PRKCA: variants seen among roughly 807,000 people sequenced by gnomAD.
PRKCA encodes the protein protein kinase C alpha.
In PRKCA, 27 loss-of-function variants were observed where a neutral mutation model predicts 87.0. That is an observed-to-expected ratio of 0.31 (90% CI 0.23 to 0.43). The LOEUF is 0.43. Ranked by LOEUF, PRKCA falls within the 20% of genes least tolerant of loss-of-function variation. The pLI, the probability that PRKCA is intolerant of heterozygous loss-of-function variation, is 1.00. For synonymous variants in PRKCA, 329 were observed against 311.1 expected (o/e 1.06, Z -0.61); for missense variants, 518 against 852.3 (o/e 0.61, Z 4.88).
intron 2 of PRKCA, among the ~76,000 whole-genome samples, chr17:66,399,100 C>CTTTTCTTT (rs1555598364): frequency 1.3e-4 from 15 of 117,260 alleles, no homozygotes; most frequent in African/African-American, 4.4e-4. Flanking sequence ...CTTTTCTTTT[C>CTTTTCTTT]TTTTTTTTTT....
chr17:66,697,052 A>C (rs1972941348), intron 8 of PRKCA, among the ~76,000 whole-genome samples: 1 of 152,212 alleles, frequency 6.6e-6, no homozygotes, highest in Non-Finnish European at 1.5e-5. Context: ...GACCATCGTC[A>C]TCACACCTCG....
intron 2 of PRKCA, among the ~76,000 whole-genome samples, chr17:66,435,474 C>T (rs1278363337): frequency 6.6e-6 from 1 of 152,090 alleles, no homozygotes; most frequent in African/African-American, 2.4e-5. Context: ...TCGCGAGACG[C>T]ACTCACGGAA....
At chr17:66,587,570 T>G (rs1352792852) in intron 3 of PRKCA, among the ~76,000 whole-genome samples, 1 of 151,688 alleles carries the variant, frequency 6.6e-6, no homozygotes, top group Admixed American at 6.6e-5. Flanking sequence ...TTTAAACAGA[T>G]ATATATATAG....
chr17:66,677,559 A>G (rs1972372270), intron 5 of PRKCA, among the ~76,000 whole-genome samples: 2 of 152,320 alleles, frequency 1.3e-5, no homozygotes, highest in African/African-American at 4.8e-5. Context: ...CCTATTCCAC[A>G]CTAATAGGTG....
chr17:66,727,313 T>C lies in PRKCA; in HGVS notation c.919-5375T>C, dbSNP rs113793787. Among the ~76,000 whole-genome samples the C allele has an allele frequency of 1.9e-3, 292 of 152,330 alleles. 3 individuals carry two copies. The highest frequency in any genetic ancestry group is 3.3e-3 in the South Asian group (16 of 4,826). ...GGGGGTTTGGGGCCTGCTACCTTTA[T>C]GGGCTTCTTTAAGGGGTGGGATATT... is the stretch of plus-strand genomic sequence containing the variant. On this transcript the variant is annotated intron_variant, in intron 8 of 16. Coordinates refer to ENST00000413366, the MANE Select transcript of PRKCA (RefSeq NM_002737.3).
chr17:66,658,445 C>T (rs968468628), intron 5 of PRKCA, among the ~76,000 whole-genome samples: 19 of 152,060 alleles, frequency 1.2e-4, no homozygotes, highest in Non-Finnish European at 2.2e-4. Context: ...TGAGATGGCG[C>T]CATTGCACTC....
chr17:66,640,837 A>G (rs1598837432), intron 3 of PRKCA: 1 of 398,982 alleles, frequency 2.5e-6, no homozygotes. Context: ...CACCCCATAA[A>G]TAGAGGAAAC....
intron 16 of PRKCA, among the ~76,000 whole-genome samples, chr17:66,791,737 A>G (rs1283970970): frequency 6.6e-6 from 1 of 152,238 alleles, no homozygotes; most frequent in Non-Finnish European, 1.5e-5. Flanking sequence ...GAGCCATTCC[A>G]GTGGCTGGAG....
intron 3 of PRKCA, among the ~76,000 whole-genome samples, chr17:66,593,188 T>G (rs1317642209): frequency 6.6e-6 from 1 of 152,214 alleles, no homozygotes; most frequent in African/African-American, 2.4e-5. Flanking sequence ...AATAAAGACA[T>G]ATGAAATTAG....
intron 5 of PRKCA, among the ~76,000 whole-genome samples, chr17:66,651,831 C>T (rs1161626699): frequency 6.6e-6 from 1 of 152,134 alleles, no homozygotes. Context: ...CAGCAGATCC[C>T]TCCAACTGCA....
At chr17:66,362,896 G>A (rs1049836816) in intron 2 of PRKCA, among the ~76,000 whole-genome samples, 1 of 152,146 alleles carries the variant, frequency 6.6e-6, no homozygotes, top group Admixed American at 6.6e-5. Context: ...ATTTTGCCAT[G>A]TTGTCCAGGC....
In PRKCA at chr17:66,327,388, T is replaced by C. The variant is rs1906045820; in HGVS notation, c.205+21261T>C. On this transcript the variant is annotated intron_variant, in intron 2 of 16. Transcript: ENST00000413366. ...TCTCAAAAAAAAAAAAAAAAAAAAA[T>C]TGCTGGGTGTGGTGGTGTGTGCCTG... Among the ~76,000 whole-genome samples the C allele has an allele frequency of 2.2e-5, 3 of 136,036 alleles. 1 individual carries two copies. The South Asian group carries it at 6.9e-4, about 31-fold the overall frequency. 89.2% of individuals were successfully genotyped at this position (136,036 alleles called of 152,430 possible).
intron 2 of PRKCA, among the ~76,000 whole-genome samples, chr17:66,434,864 A>T (rs1341279954): frequency 6.6e-6 from 1 of 152,230 alleles, no homozygotes; most frequent in Non-Finnish European, 1.5e-5. Context: ...GTACAATCAT[A>T]ACATCAAGGG....
chr17:66,422,066 G>A (rs936670265), intron 2 of PRKCA, among the ~76,000 whole-genome samples: 8 of 152,106 alleles, frequency 5.3e-5, no homozygotes, highest in African/African-American at 1.7e-4. Flanking sequence ...ATCTTTACGT[G>A]GTTTTCTCTC....
intron 2 of PRKCA, among the ~76,000 whole-genome samples, chr17:66,346,308 A>G (rs987826332): frequency 6.6e-6 from 1 of 151,830 alleles, no homozygotes; most frequent in Non-Finnish European, 1.5e-5. Flanking sequence ...CGTGTTAGCT[A>G]GGATGGTCTC....
intron 13 of PRKCA, among the ~76,000 whole-genome samples, chr17:66,760,781 T>C (rs372442037): frequency 1.3e-5 from 2 of 152,332 alleles, no homozygotes; most frequent in South Asian, 2.1e-4. Flanking sequence ...TGAACATAGA[T>C]GCAAAAATCC....
At chr17:66,533,169 G>C (rs1269675342) in intron 3 of PRKCA, among the ~76,000 whole-genome samples, 1 of 152,168 alleles carries the variant, frequency 6.6e-6, no homozygotes, top group Admixed American at 6.5e-5. Context: ...ATACTTAAAG[G>C]GATGCCCTAA....
At chr17:66,431,262 G>A (rs192105870) in intron 2 of PRKCA, among the ~76,000 whole-genome samples, 3 of 152,232 alleles carry the variant, frequency 2.0e-5, no homozygotes, top group Admixed American at 6.5e-5. Context: ...GACCTTTTAC[G>A]TGCTTTATGT....
At chr17:66,560,101 C>G (rs1352104941) in intron 3 of PRKCA, among the ~76,000 whole-genome samples, 1 of 152,100 alleles carries the variant, frequency 6.6e-6, no homozygotes, top group Non-Finnish European at 1.5e-5. Flanking sequence ...TGTGTTCTTC[C>G]AAATAAATGG....
Sources: gnomAD v4.1 joint callset for allele counts (sites outside exome capture counted in the v4.1 genomes callset) on GRCh38, gnomAD v4.1.1 for gene constraint, MANE v1.5 for transcripts, NCBI Gene and HGNC (gene_info 2026-07-23, HGNC 2026-07-21) for gene names.